The following PCDHGA6 variants were observed in gnomAD, a reference collection of about 807,000 sequenced individuals.
PCDHGA6 encodes the protein protocadherin gamma-A6.
PCDHGA6 carries 41 observed loss-of-function variants against 60.6 expected under a neutral mutation model. The ratio of observed to expected loss-of-function variants is 0.68; its 90% confidence interval spans 0.53 to 0.88. The LOEUF (loss-of-function observed/expected upper bound fraction) is 0.88, where lower values mean the gene tolerates loss of function less well. Ranked by LOEUF, PCDHGA6 falls within the 40% of genes least tolerant of loss-of-function variation. The pLI, the probability that PCDHGA6 is intolerant of heterozygous loss-of-function variation, is 0.00. For synonymous variants in PCDHGA6, 594 were observed against 524.4 expected (o/e 1.13, Z -1.81); for missense variants, 1,312 against 1,203.0 (o/e 1.09, Z -1.34).
intron 1 of PCDHGA6, chr5:141,427,178 A>G (rs1175390589): frequency 4.4e-6 from 2 of 456,644 alleles, no homozygotes; most frequent in Admixed American, 2.3e-5. Flanking sequence ...AAAATGGGGA[A>G]ATTAAATCCA....
Position 141,491,755 on chromosome 5 carries a change from G to A in PCDHGA6, c.2425-3052G>A. On this transcript the variant is annotated intron_variant, in intron 1 of 3. Transcript: ENST00000517434. This position sits in a 1 kb window ranked among gnomAD's most constrained non-coding sequence, Gnocchi z 6.9. Reference sequence around the variant, plus strand: ...CCCTGGGGGCGGCACTGGAGAAGCCGCCCGTCCTCATAAGGGATTGAACTT... The same window carrying A: ...CCCTGGGGGCGGCACTGGAGAAGCCACCCGTCCTCATAAGGGATTGAACTT... 6 of 1,582,196 alleles carry A rather than the reference G, an allele frequency of 3.8e-6. No individual in the cohort carries two copies. The highest frequency in any genetic ancestry group is 5.1e-6 in the Non-Finnish European group (6 of 1,165,450).
chr5:141,497,131 A>G (rs1269110126), intron 2 of PCDHGA6, among the ~76,000 whole-genome samples: 3 of 152,122 alleles, frequency 2.0e-5, no homozygotes, highest in Admixed American at 6.6e-5. Flanking sequence ...GGTTGCAGTG[A>G]GCTGAGATCA....
At position 141,466,670 on chromosome 5, in the gene PCDHGA6, G is replaced by C. The variant is rs994949602; in HGVS notation, c.2425-28137G>C. On this transcript the variant is annotated intron_variant, in intron 1 of 3. Transcript: ENST00000517434. ...TTCACAAAACATCAGTGATTTCACC[G>C]TTCTTCCACTCAAGCTTCATCATAA... Among the ~76,000 whole-genome samples, 3 of 152,046 alleles carry C rather than the reference G, an allele frequency of 2.0e-5. No homozygotes were observed. The South Asian group carries it at 6.2e-4, about 32-fold the overall frequency.
rs554003983 is a variant in PCDHGA6, at chr5:141,415,548, A to T, written c.2424+39041A>T. 10 of 1,614,160 alleles carry T rather than the reference A, an allele frequency of 6.2e-6. No individual in the cohort carries two copies. The East Asian group carries it at 1.8e-4, about 29-fold the overall frequency. ...TCATCAGCCAGGAGAGCTGTGAGAA[A>T]AACGATCCTTTGTCTTTGTTAGATG... On this transcript the variant is annotated intron_variant, in intron 1 of 3. Coordinates refer to ENST00000517434, the MANE Select transcript of PCDHGA6 (RefSeq NM_018919.3).
At chr5:141,393,259 G>A in intron 1 of PCDHGA6, 1 of 1,613,874 alleles carries the variant, frequency 6.2e-7, no homozygotes, top group Non-Finnish European at 8.5e-7. Context: ...GCGGTTCCTG[G>A]AGCACGTTAT....
At chr5:141,417,656 G>A (rs1561768422) in intron 1 of PCDHGA6, 1 of 854,026 alleles carries the variant, frequency 1.2e-6, no homozygotes, top group Non-Finnish European at 1.7e-6. Context: ...CCTCTAGCCT[G>A]GGATTCCCTG....
intron 2 of PCDHGA6, among the ~76,000 whole-genome samples, chr5:141,502,472 A>G (rs1450967250): frequency 1.3e-5 from 2 of 150,886 alleles, no homozygotes; most frequent in Non-Finnish European, 2.9e-5. Flanking sequence ...TACTTCCCGC[A>G]GCATCACACT....
At position 141,487,934 on chromosome 5, in the gene PCDHGA6, C is replaced by G; in HGVS notation, c.2425-6873C>G. 4.9e-6 allele frequency: 3 copies of G among 607,674 alleles called. No individual in the cohort carries two copies. Among genetic ancestry groups the G allele is most frequent in the Non-Finnish European group, 5.8e-6 (2 of 347,576 alleles). The allele number at this position is 607,674 out of a possible 1,614,324, so 37.6% of individuals were successfully genotyped here. A position where few individuals can be genotyped will look rare whatever the true frequency, so the allele number is the denominator to read the frequency against. On this transcript the variant is annotated intron_variant, in intron 1 of 3. Transcript: ENST00000517434. The surrounding 1 kb of genome is among the most constrained non-coding windows in gnomAD (Gnocchi z 5.0). ...ACAGGAGGCTACAGTGCACAGGGTA[C>G]AGTGCACCAGGCAGTCACTTGGACA... is the stretch of plus-strand genomic sequence containing the variant.
intron 1 of PCDHGA6, among the ~76,000 whole-genome samples, chr5:141,470,142 A>G (rs1308458765): frequency 6.6e-6 from 1 of 152,044 alleles, no homozygotes; most frequent in Non-Finnish European, 1.5e-5. Context: ...AAAAAAGATC[A>G]TAGATCATCT....
In PCDHGA6 at chr5:141,374,109, A is replaced by C. The variant is rs1422319467; in HGVS notation, c.26A>C (p.Gln9Pro). Reference protein sequence around the residue: MAPPQRHPQRSEQVLLLTL... With the variant: MAPPQRHPPRSEQVLLLTL... ...ATGGCGCCTCCGCAGAGGCATCCGC[A>C]GCGCAGCGAGCAGGTCCTGCTCCTC... The change falls in exon 1 of 4, where the codon CAG becomes CCG. Residue 9 changes from glutamine to proline, a missense_variant. By Grantham distance (76) the Gln-to-Pro change is moderately conservative. Transcript: ENST00000517434. 6.3e-7 allele frequency: 1 copy of C among 1,576,270 alleles called. No homozygotes were observed. The highest frequency in any genetic ancestry group is 1.8e-5 in the Admixed American group (1 of 54,816).
intron 1 of PCDHGA6, chr5:141,422,492 C>A (rs747903569): frequency 2.5e-6 from 4 of 1,613,816 alleles, no homozygotes; most frequent in African/African-American, 2.7e-5. Flanking sequence ...TACAATATAA[C>A]GTTGACAGCC....
At position 141,486,370 on chromosome 5, in the gene PCDHGA6, T is replaced by C. The variant is rs755925357; in HGVS notation, c.2425-8437T>C. Reference sequence around the variant, plus strand: ...ACCACTTGCCATTTGCCCTCAAGTCTGCCTTCAGGAACCAGTTCTCCCTGG... The same window carrying C: ...ACCACTTGCCATTTGCCCTCAAGTCCGCCTTCAGGAACCAGTTCTCCCTGG... On this transcript the variant is annotated intron_variant, in intron 1 of 3. Coordinates refer to ENST00000517434, the MANE Select transcript of PCDHGA6 (RefSeq NM_018919.3). The surrounding 1 kb of genome is among the most constrained non-coding windows in gnomAD (Gnocchi z 5.0). 8 of 1,613,988 alleles carry C rather than the reference T, an allele frequency of 5.0e-6. No individual in the cohort carries two copies. The Admixed American group carries it at 1.3e-4, about 27-fold the overall frequency.
intron 1 of PCDHGA6, chr5:141,421,459 G>T: frequency 6.2e-7 from 1 of 1,614,142 alleles, no homozygotes; most frequent in South Asian, 1.1e-5. Context: ...GCTTTTCGCT[G>T]TGAATCCGCG....
Position 141,432,039 on chromosome 5 carries a change from G to C in PCDHGA6, c.2424+55532G>C. ...AACATCACAGTGACCGCCACTGACC[G>C]GGGAACCCCGCCCCTATCCACGGAA... On this transcript the variant is annotated intron_variant, in intron 1 of 3. Transcript: ENST00000517434. This position sits in a 1 kb window ranked among gnomAD's most constrained non-coding sequence, Gnocchi z 6.0. 6.2e-7 allele frequency: 1 copy of C among 1,614,176 alleles called. No homozygotes were observed. Among genetic ancestry groups the C allele is most frequent in the Non-Finnish European group, 8.5e-7 (1 of 1,180,028 alleles).
intron 3 of PCDHGA6, among the ~76,000 whole-genome samples, chr5:141,510,369 C>G (rs1403924479): frequency 7.1e-6 from 1 of 140,308 alleles, no homozygotes; most frequent in Non-Finnish European, 1.6e-5. Context: ...TACCGAATCT[C>G]TACTCGTGCC....
At chr5:141,483,660 G>T (rs943362284) in intron 1 of PCDHGA6, among the ~76,000 whole-genome samples, 4 of 152,094 alleles carry the variant, frequency 2.6e-5, no homozygotes, top group Admixed American at 2.0e-4. Flanking sequence ...GTGTGTGTGT[G>T]TGTGTGTGTA....
At chr5:141,446,231 C>T (rs1412899811) in intron 1 of PCDHGA6, among the ~76,000 whole-genome samples, 2 of 152,176 alleles carry the variant, frequency 1.3e-5, no homozygotes, top group African/African-American at 2.4e-5. Flanking sequence ...TGTTGCCTGG[C>T]AAGTGGTAGA....
At chr5:141,433,253 G>C (rs1288721469) in intron 1 of PCDHGA6, 1 of 1,416,466 alleles carries the variant, frequency 7.1e-7, no homozygotes, top group East Asian at 2.3e-5. Flanking sequence ...GAATGCAGCG[G>C]TACGATCATA....
rs1290674122 is a variant in PCDHGA6 at position 141,489,521 on chromosome 5, G to A, written c.2425-5286G>A. 3 of 1,613,988 alleles carry A rather than the reference G, an allele frequency of 1.9e-6. No individual in the cohort carries two copies. The highest frequency in any genetic ancestry group is 2.2e-5 in the East Asian group (1 of 44,886). On this transcript the variant is annotated intron_variant, in intron 1 of 3. Coordinates refer to ENST00000517434, the MANE Select transcript of PCDHGA6 (RefSeq NM_018919.3). This position sits in a 1 kb window ranked among gnomAD's most constrained non-coding sequence, Gnocchi z 4.5. ...GTGAATCAAAAGATTGACCGAGAAAGCCTATGTGGAGCCAGCACCAGCTGC... is the reference window on the plus strand; with the variant it reads ...GTGAATCAAAAGATTGACCGAGAAAACCTATGTGGAGCCAGCACCAGCTGC...
Sources: allele counts gnomAD v4.1 joint callset (sites outside exome capture counted in the v4.1 genomes callset), GRCh38; gene constraint gnomAD v4.1.1; non-coding constraint Gnocchi (gnomAD v3.1); transcripts MANE v1.5; gene names NCBI Gene and HGNC (gene_info 2026-07-23, HGNC 2026-07-21).